CPA1: variants seen among roughly 807,000 people sequenced by gnomAD.
The protein encoded by CPA1 is carboxypeptidase A1.
CPA1 carries 42 observed loss-of-function variants against 48.7 expected under a neutral mutation model. The observed-to-expected ratio is 0.86, with a 90% confidence interval of 0.67 to 1.11. The LOEUF (loss-of-function observed/expected upper bound fraction) is 1.11, where lower values mean the gene tolerates loss of function less well. CPA1 is among the 50% of genes most tolerant of loss of function. CPA1 has a pLI of 0.00. For missense variants in CPA1, 477 were observed against 544.7 expected (o/e 0.88, Z 1.24); for synonymous variants, 203 against 217.9 (o/e 0.93, Z 0.60).
At chr7:130,386,242 C>A (rs1554412011) in intron 9 of CPA1, among the ~76,000 whole-genome samples, 1 of 151,940 alleles carries the variant, frequency 6.6e-6, no homozygotes, top group Admixed American at 6.6e-5. Flanking sequence ...TAAAAAAACA[C>A]TTCTCGGGGG....
intron 3 of CPA1, 31 bp from the exon 4 acceptor site, chr7:130,382,077 A>G (rs782667009): frequency 6.3e-7 from 1 of 1,577,024 alleles, no homozygotes; most frequent in South Asian, 1.1e-5. Context: ...AGAAGCTATT[A>G]AGGCCAGTGG....
At chr7:130,384,469 C>G in intron 6 of CPA1, 67 bp from the exon 7 acceptor site, 1 of 1,437,474 alleles carries the variant, frequency 7.0e-7, no homozygotes, top group Non-Finnish European at 9.8e-7. Context: ...TCTGAACCAC[C>G]CCCCACCCAG....
rs1056915045 is a variant in CPA1, at chr7:130,387,617, T to C, written c.1073-207T>C. Among the ~76,000 whole-genome samples the C allele has an allele frequency of 1.1e-4, 16 of 152,210 alleles. No homozygotes were observed. The highest frequency in any genetic ancestry group is 2.1e-4 in the Non-Finnish European group (14 of 68,042). ...GTGAATAGGGGAACCATTGCTGGTC[T>C]CCTCTTTGGACCTCTTGGCTTAGAC... On this transcript the variant is annotated intron_variant, in intron 9 of 9. Coordinates refer to ENST00000011292, the MANE Select transcript of CPA1 (RefSeq NM_001868.4). The surrounding 1 kb of genome is among the most constrained non-coding windows in gnomAD (Gnocchi z 4.6).
At position 130,381,075 on chromosome 7, in the gene CPA1, C is replaced by G. The variant is rs1562966724; in HGVS notation, c.66-23C>G. 4 of 1,604,820 alleles carry G rather than the reference C, an allele frequency of 2.5e-6. 1 individual carries two copies. The Admixed American group carries it at 5.0e-5, about 20-fold the overall frequency. Reference sequence around the variant, plus strand: ...AGGGCAGGTGCAGCTTGGGTGCTCACTCCCCACTCCCACTCTGCCCAGGCA... The same window carrying G: ...AGGGCAGGTGCAGCTTGGGTGCTCAGTCCCCACTCCCACTCTGCCCAGGCA... On this transcript the variant is annotated intron_variant, in intron 1 of 9. Transcript: ENST00000011292.
chr7:130,382,499 T>C (rs1554411371), intron 4 of CPA1, among the ~76,000 whole-genome samples: 1 of 152,230 alleles, frequency 6.6e-6, no homozygotes, highest in Non-Finnish European at 1.5e-5. Flanking sequence ...AGTCTCGCTC[T>C]GTCACCCAGG....
At position 130,383,693 on chromosome 7, in the gene CPA1, G is replaced by A; in HGVS notation, c.595G>A (p.Asp199Asn). Residue 199 changes from aspartate (D) to asparagine (N), a missense_variant, in exon 6 of 10, where the codon GAC becomes AAC. Transcript: ENST00000011292. Reference protein sequence around the residue: ...GVWFAKKITQDYGQDAAFTAI... With the variant: ...GVWFAKKITQNYGQDAAFTAI... ...TCCTCTAACCCCCCAGATCACTCAA[G>A]ACTACGGGCAGGATGCAGCTTTCAC... 6.2e-7 allele frequency: 1 copy of A among 1,613,702 alleles called. No individual in the cohort carries two copies. Among genetic ancestry groups the A allele is most frequent in the South Asian group, 1.1e-5 (1 of 91,078 alleles).
chr7:130,387,690 A>G lies in CPA1; in HGVS notation c.1073-134A>G. ...AGTGAGGCTGCTTGGTCAACAGCAG[A>G]CCTTAGTAGACACTGACTCCACTCA... On this transcript the variant is annotated intron_variant, in intron 9 of 9. Coordinates refer to ENST00000011292, the MANE Select transcript of CPA1 (RefSeq NM_001868.4). The surrounding 1 kb of genome is among the most constrained non-coding windows in gnomAD (Gnocchi z 4.6). 1 of 799,716 alleles carries G rather than the reference A, an allele frequency of 1.3e-6. No individual in the cohort carries two copies. Among genetic ancestry groups the G allele is most frequent in the Non-Finnish European group, 2.0e-6 (1 of 492,490 alleles). 49.5% of individuals were successfully genotyped at this position (799,716 alleles called of 1,614,324 possible). A position where few individuals can be genotyped will look rare whatever the true frequency, so the allele number is the denominator to read the frequency against.
chr7:130,385,719 T>G, intron 8 of CPA1, 120 bp from the exon 9 acceptor site: 2 of 734,762 alleles, frequency 2.7e-6, no homozygotes, highest in Non-Finnish European at 4.6e-6. Flanking sequence ...TGCTCCCTGC[T>G]GGAGGCCCAC....
Position 130,381,135 on chromosome 7 carries a change from C to G in CPA1, c.103C>G (p.Gln35Glu). 6.2e-7 allele frequency: 1 copy of G among 1,613,646 alleles called. No individual in the cohort carries two copies. The highest frequency in any genetic ancestry group is 8.5e-7 in the Non-Finnish European group (1 of 1,179,826). Residue 35 changes from glutamine to glutamate, a missense_variant, in exon 2 of 10, where the codon CAG becomes GAG. Transcript: ENST00000011292. Reference sequence around the variant, plus strand: ...CCGAATCTCTGTAGCCGATGAGGCCCAGGTACAGAAGGTGAAGGAGCTGGA... The same window carrying G: ...CCGAATCTCTGTAGCCGATGAGGCCGAGGTACAGAAGGTGAAGGAGCTGGA... Reference protein sequence around the residue: ...VLRISVADEAQVQKVKELEDL... With the variant: ...VLRISVADEAEVQKVKELEDL...
intron 1 of CPA1, 112 bp downstream of exon 1, chr7:130,380,697 G>T: frequency 1.6e-6 from 1 of 616,388 alleles, no homozygotes; most frequent in South Asian, 4.5e-5. Context: ...CAGAGAGGAT[G>T]GCCTGGCACC....
At position 130,382,177 on chromosome 7, in the gene CPA1, A is replaced by G. The variant is rs1584851067; in HGVS notation, c.451A>G (p.Thr151Ala). 1 of 1,614,210 alleles carries G rather than the reference A, an allele frequency of 6.2e-7. No individual in the cohort carries two copies. Among genetic ancestry groups the G allele is most frequent in the Admixed American group, 1.7e-5 (1 of 60,032 alleles). Residue 151 changes from threonine (T) to alanine (A), a missense_variant, in exon 4 of 10, where the codon ACC becomes GCC. Thr to Ala is a moderately conservative substitution (Grantham distance 58). Transcript: ENST00000011292. ...TGTCAGCAAGATCCAGATTGGCAAC[A>G]CCTATGAAGGGCGTCCCATTTACGT... ...HLVSKIQIGN[T>A]YEGRPIYVLK...
intron 3 of CPA1, 30 bp downstream of exon 3, chr7:130,381,893 C>T: frequency 6.3e-7 from 1 of 1,585,932 alleles, no homozygotes; most frequent in Non-Finnish European, 8.6e-7. Flanking sequence ...CCGCTCCCTG[C>T]AGCCACCAGC....
chr7:130,387,927 A>G lies in CPA1; in HGVS notation c.1176A>G (p.Pro392=), dbSNP rs1584854317. The G allele has an allele frequency of 6.2e-7, 1 of 1,614,134 alleles. No individual in the cohort carries two copies. The highest frequency in any genetic ancestry group is 8.5e-7 in the Non-Finnish European group (1 of 1,180,014). ...RDTGRYGFLL[P]ASQIIPTAKE... Reference sequence around the variant, plus strand: ...CTGGGCGCTATGGCTTCCTGCTGCCAGCCTCCCAGATCATCCCCACAGCCA... The same window carrying G: ...CTGGGCGCTATGGCTTCCTGCTGCCGGCCTCCCAGATCATCCCCACAGCCA... Residue 392 remains proline (P), a synonymous_variant, in exon 10 of 10, where the codon CCA becomes CCG. Coordinates refer to ENST00000011292, the MANE Select transcript of CPA1 (RefSeq NM_001868.4). The surrounding 1 kb of genome is among the most constrained non-coding windows in gnomAD (Gnocchi z 4.6).
chr7:130,383,257 C>G (rs1461977334), intron 4 of CPA1, 134 bp from the exon 5 acceptor site: 1 of 747,468 alleles, frequency 1.3e-6, no homozygotes, highest in African/African-American at 1.7e-5. Context: ...AGTGATGGCC[C>G]CACAAGCAGA....
At chr7:130,381,202 C>A in intron 2 of CPA1, 23 bp downstream of exon 2, 1 of 1,582,310 alleles carries the variant, frequency 6.3e-7, no homozygotes, top group South Asian at 1.1e-5. Flanking sequence ...GAGAAGGGCT[C>A]TCTGAGGCCC....
At position 130,385,225 on chromosome 7, in the gene CPA1, T is replaced by C. The variant is rs115663631; in HGVS notation, c.867T>C (p.Ile289=). The C allele has an allele frequency of 1.5e-3, 2,355 of 1,614,226 alleles. 1 individual carries two copies. Among genetic ancestry groups the C allele is most frequent in the Admixed American group, 2.0e-3 (120 of 60,030 alleles). The change falls in exon 8 of 10, where the codon ATT becomes ATC. Residue 289 remains isoleucine, a synonymous_variant. Coordinates refer to ENST00000011292, the MANE Select transcript of CPA1 (RefSeq NM_001868.4). The part of the protein sequence containing the change: ...FANSEVEVKS[I]VDFVKDHGNI... ...ATTCCGAAGTGGAGGTCAAGTCCATTGTAGACTTTGTGAAGGACCATGGGA... is the reference window on the plus strand; with the variant it reads ...ATTCCGAAGTGGAGGTCAAGTCCATCGTAGACTTTGTGAAGGACCATGGGA...
At position 130,387,099 on chromosome 7, in the gene CPA1, G is replaced by A. The variant is rs1279386684; in HGVS notation, c.1073-725G>A. On this transcript the variant is annotated intron_variant, in intron 9 of 9. Coordinates refer to ENST00000011292, the MANE Select transcript of CPA1 (RefSeq NM_001868.4). The surrounding 1 kb of genome is among the most constrained non-coding windows in gnomAD (Gnocchi z 4.6). ...GTGTGGCTGCCTCCAAGTAAGTGAA[G>A]GTCAAAGCTGGGTAGAAGGCTGAGG... 6.6e-6 allele frequency among the ~76,000 whole-genome samples: 1 copy of A among 152,182 alleles called. No individual in the cohort carries two copies. The highest frequency in any genetic ancestry group is 2.4e-5 in the African/African-American group (1 of 41,446).
intron 9 of CPA1, 49 bp downstream of exon 9, chr7:130,385,972 T>C: frequency 2.0e-6 from 3 of 1,490,606 alleles, no homozygotes; most frequent in Non-Finnish European, 2.8e-6. Context: ...GAACATCTGC[T>C]GGCTCTTCCT....
chr7:130,382,235 A>C (rs782239359), intron 4 of CPA1, 26 bp downstream of exon 4: 1 of 1,574,406 alleles, frequency 6.4e-7, no homozygotes, highest in Non-Finnish European at 8.7e-7. Flanking sequence ...GGACATACAC[A>C]GGGGAGAATG....
Sources: gnomAD v4.1 joint callset for allele counts (sites outside exome capture counted in the v4.1 genomes callset) on GRCh38, gnomAD v4.1.1 for gene constraint, Gnocchi (gnomAD v3.1) non-coding constraint, MANE v1.5 for transcripts, NCBI Gene and HGNC (gene_info 2026-07-23, HGNC 2026-07-21) for gene names.